The following MACROD1 variants were observed in gnomAD, a reference collection of about 807,000 sequenced individuals.
MACROD1 encodes ADP-ribose glycohydrolase MACROD1.
In MACROD1, 31 loss-of-function variants were observed where a neutral mutation model predicts 41.4. That is an observed-to-expected ratio of 0.75 (90% CI 0.56 to 1.01). The LOEUF is 1.01. Ranked by LOEUF, MACROD1 falls within the 50% of genes least tolerant of loss-of-function variation. The pLI is 0.00. For missense variants in MACROD1, 473 were observed against 460.0 expected, an observed-to-expected ratio of 1.03 and a Z score of -0.26; for synonymous variants, 252 against 203.4, an observed-to-expected ratio of 1.24 and a Z score of -2.03.
rs190141350 is a variant in MACROD1, at chr11:63,998,623, G to T, written c.*95C>A. On this transcript the variant is annotated 3_prime_UTR_variant, in exon 11 of 11. Transcript: ENST00000255681. The stretch of plus-strand genomic sequence containing the variant: ...CGCGGAGGGAAAGAAGGGGTGGCCA[G>T]GCCCAGGCCAGGCTGCAGGCTTTGG... 1,860 of 1,295,816 alleles carry T rather than the reference G, an allele frequency of 1.4e-3. 37 individuals are homozygous for T. In the East Asian group the frequency reaches 0.042, roughly 29 times the overall value. The allele number at this position is 1,295,816 out of a possible 1,614,324, so 80.3% of individuals were successfully genotyped here.
chr11:64,002,197 C>T (rs1314161918), intron 4 of MACROD1, among the ~76,000 whole-genome samples: 3 of 152,122 alleles, frequency 2.0e-5, no homozygotes, highest in African/African-American at 7.2e-5. Flanking sequence ...GCTGGCTCTC[C>T]TAGGAGCCTC....
In MACROD1 at chr11:64,132,766, G is replaced by A. The variant is rs542233391; in HGVS notation, c.517+18473C>T. Among the ~76,000 whole-genome samples the A allele has an allele frequency of 5.1e-4, 77 of 152,294 alleles. 1 individual carries two copies. Among genetic ancestry groups the A allele is most frequent in the African/African-American group, 1.6e-3 (66 of 41,558 alleles). On this transcript the variant is annotated intron_variant, in intron 3 of 10. Coordinates refer to ENST00000255681, the MANE Select transcript of MACROD1 (RefSeq NM_014067.4). ...ATTAGGGGGGATTTCCTGAAGGGGCGCCCATCTGCGAGAGGCAAGGCAGCG... is the reference window on the plus strand; with the variant it reads ...ATTAGGGGGGATTTCCTGAAGGGGCACCCATCTGCGAGAGGCAAGGCAGCG...
chr11:64,164,496 G>A (rs575069023), intron 1 of MACROD1, among the ~76,000 whole-genome samples: 1 of 152,336 alleles, frequency 6.6e-6, no homozygotes, highest in African/African-American at 2.4e-5. Flanking sequence ...CCCCCTCCAG[G>A]GGTCTCTGCC....
rs564722115 is a variant in MACROD1 at position 64,131,616 on chromosome 11, G to T, written c.517+19623C>A. 7.7e-4 allele frequency among the ~76,000 whole-genome samples: 117 copies of T among 152,204 alleles called. 1 individual carries two copies. The highest frequency in any genetic ancestry group is 2.7e-3 in the African/African-American group (112 of 41,526). ...GCTGGGATTACAGGAGTGAGCCACC[G>T]CGCCCAGCCCCTCAGGATGTTTTCT... On this transcript the variant is annotated intron_variant, in intron 3 of 10. Coordinates refer to ENST00000255681, the MANE Select transcript of MACROD1 (RefSeq NM_014067.4).
intron 3 of MACROD1, among the ~76,000 whole-genome samples, chr11:64,070,013 G>C (rs1177494800): frequency 6.6e-6 from 1 of 152,162 alleles, no homozygotes; most frequent in Non-Finnish European, 1.5e-5. Context: ...GGACAGGCGG[G>C]GATGGTGAGA....
Position 64,036,237 on chromosome 11 carries a change from G to GGGGGCCC in MACROD1, c.518-20963_518-20957dup, listed in dbSNP as rs1205295668. On this transcript the variant is annotated intron_variant, in intron 3 of 10. Transcript: ENST00000255681. This position sits in a 1 kb window ranked among gnomAD's most constrained non-coding sequence, Gnocchi z 5.6. ...CGCCAGAGCCGACGGGGCGGGGGCC[G>GGGGGCCC]GGGGCCCGGGGGCACCGAAGCGCCA... The GGGGGCCC allele has an allele frequency of 6.6e-6, 1 of 152,156 alleles. No individual in the cohort carries two copies. Among genetic ancestry groups the GGGGGCCC allele is most frequent in the African/African-American group, 2.4e-5 (1 of 41,430 alleles). The allele number at this position is 152,156 out of a possible 1,614,324, so 9.4% of individuals were successfully genotyped here. A position where few individuals can be genotyped will look rare whatever the true frequency, so the allele number is the denominator to read the frequency against.
intron 3 of MACROD1, among the ~76,000 whole-genome samples, chr11:64,047,090 C>T (rs1943598472): frequency 6.6e-6 from 1 of 152,044 alleles, no homozygotes. Flanking sequence ...ACGTGCTGTT[C>T]CCTGTGTCTG....
chr11:64,000,255 G>T lies in MACROD1; in HGVS notation c.636C>A (p.Ile212=). The change falls in exon 5 of 11, where the codon ATC becomes ATA. Residue 212 remains isoleucine, a synonymous_variant. Coordinates refer to ENST00000255681, the MANE Select transcript of MACROD1 (RefSeq NM_014067.4). ...TGGCCGGGAGCCGATAGCCGCCGGT[G>T]ATCTTGGCCTTGCCAGTCTTACAGC... ...LQSCKTGKAK[I]TGGYRLPAKY... The T allele has an allele frequency of 6.2e-7, 1 of 1,607,112 alleles. No homozygotes were observed.
At chr11:64,016,757 G>A (rs1943087105) in intron 3 of MACROD1, among the ~76,000 whole-genome samples, 1 of 152,222 alleles carries the variant, frequency 6.6e-6, no homozygotes, top group South Asian at 2.1e-4. Context: ...TCCCAAAGCA[G>A]GGGTGGGGGC....
At chr11:64,063,837 A>G (rs915313954) in intron 3 of MACROD1, among the ~76,000 whole-genome samples, 16 of 152,230 alleles carry the variant, frequency 1.1e-4, no homozygotes, top group Non-Finnish European at 1.5e-4. Flanking sequence ...TAACAATGCA[A>G]TTAGCACAGA....
At chr11:64,107,408 G>T (rs1471816655) in intron 3 of MACROD1, among the ~76,000 whole-genome samples, 1 of 140,468 alleles carries the variant, frequency 7.1e-6, no homozygotes, top group Non-Finnish European at 1.5e-5. Context: ...AACTTCCTAA[G>T]ACACAATTCT....
At chr11:64,003,862 G>A (rs554297030) in intron 4 of MACROD1, among the ~76,000 whole-genome samples, 107 of 152,300 alleles carry the variant, frequency 7.0e-4, no homozygotes, top group Non-Finnish European at 1.4e-3. Context: ...CTTCCAGCAG[G>A]GGGGCTGCCC....
chr11:64,084,603 C>T (rs1057385864), intron 3 of MACROD1, among the ~76,000 whole-genome samples: 1 of 152,210 alleles, frequency 6.6e-6, no homozygotes, highest in African/African-American at 2.4e-5. Context: ...GTGGACAGTA[C>T]CCACTTAGGA....
At chr11:64,154,917 C>T (rs920725043) in intron 1 of MACROD1, among the ~76,000 whole-genome samples, 1 of 152,192 alleles carries the variant, frequency 6.6e-6, no homozygotes, top group African/African-American at 2.4e-5. Flanking sequence ...TGGGGTTTCA[C>T]CATGTTGGCC....
rs538676262 is a variant in MACROD1, at chr11:64,156,754, G to C, written c.299-4361C>G. On this transcript the variant is annotated intron_variant, in intron 1 of 10. Coordinates refer to ENST00000255681, the MANE Select transcript of MACROD1 (RefSeq NM_014067.4). The stretch of plus-strand genomic sequence containing the variant: ...TTGCTCCACTTCCCAGAGACAGCAT[G>C]CTGGCTCTGCCACCAGCTGGCTGGG... 2.0e-5 allele frequency among the ~76,000 whole-genome samples: 3 copies of C among 152,268 alleles called. No homozygotes were observed. In the East Asian group the frequency reaches 5.8e-4, roughly 29 times the overall value.
chr11:64,050,712 G>T (rs961195630), intron 3 of MACROD1, among the ~76,000 whole-genome samples: 2 of 152,198 alleles, frequency 1.3e-5, no homozygotes, highest in African/African-American at 4.8e-5. Flanking sequence ...TCTGCTTCCC[G>T]GGTTCAAGCG....
At chr11:64,063,956 A>T (rs2134444759) in intron 3 of MACROD1, among the ~76,000 whole-genome samples, 1 of 152,348 alleles carries the variant, frequency 6.6e-6, no homozygotes, top group African/African-American at 2.4e-5. Context: ...TGATAGACTA[A>T]GAGGTGACAA....
At chr11:64,069,524 A>T (rs1487035647) in intron 3 of MACROD1, among the ~76,000 whole-genome samples, 1 of 152,188 alleles carries the variant, frequency 6.6e-6, no homozygotes, top group Non-Finnish European at 1.5e-5. Context: ...GCACAGCCAC[A>T]GGAAGCCTTT....
rs117701541 is a variant in MACROD1, at chr11:64,019,498, G to T, written c.518-4217C>A. 1.6e-3 allele frequency among the ~76,000 whole-genome samples: 240 copies of T among 152,352 alleles called. 3 individuals carry two copies. In the East Asian group the frequency reaches 0.037, roughly 24 times the overall value. ...GCCCCTGCTCCCAGCCTAGTTAGAG[G>T]CTAGCAGGTGGCCGCTGTCCAGCGA... On this transcript the variant is annotated intron_variant, in intron 3 of 10. Transcript: ENST00000255681.
Sources: gnomAD v4.1 joint callset for allele counts (sites outside exome capture counted in the v4.1 genomes callset) on GRCh38, gnomAD v4.1.1 for gene constraint, Gnocchi (gnomAD v3.1) non-coding constraint, MANE v1.5 for transcripts, NCBI Gene and HGNC (gene_info 2026-07-23, HGNC 2026-07-21) for gene names.